The following MAML2 variants were observed in gnomAD, a reference collection of about 807,000 sequenced individuals.
MAML2 encodes mastermind-like protein 2.
Under a neutral mutation model 96.1 loss-of-function variants are expected in MAML2, and 22 were observed. That is an observed-to-expected ratio of 0.23 (90% confidence interval 0.16 to 0.33). The LOEUF is 0.33. MAML2 is among the 10% of genes least tolerant of loss of function. The pLI, the probability that MAML2 is intolerant of heterozygous loss-of-function variation, is 1.00. For missense variants in MAML2, 1,367 were observed against 1,392.4 expected (o/e 0.98, Z 0.29); for synonymous variants, 561 against 521.3 (o/e 1.08, Z -1.04).
At chr11:96,146,721 A>G (rs759572675) in intron 1 of MAML2, among the ~76,000 whole-genome samples, 1 of 152,216 alleles carries the variant, frequency 6.6e-6, no homozygotes, top group Non-Finnish European at 1.5e-5. Flanking sequence ...TACAGCAGTG[A>G]GGCAGGATTG....
At chr11:96,305,658 T>C (rs1863453006) in intron 1 of MAML2, among the ~76,000 whole-genome samples, 1 of 152,196 alleles carries the variant, frequency 6.6e-6, no homozygotes, top group Non-Finnish European at 1.5e-5. Context: ...TAGATATCTG[T>C]AAGTTACTAT....
chr11:96,062,615 C>T (rs780753445), intron 2 of MAML2, among the ~76,000 whole-genome samples: 12 of 152,164 alleles, frequency 7.9e-5, no homozygotes, highest in Non-Finnish European at 1.0e-4. Flanking sequence ...AAGCTGGGAG[C>T]ACTTTAAGAG....
At chr11:95,982,805 A>G (rs1203536289) in intron 4 of MAML2, among the ~76,000 whole-genome samples, 1 of 152,092 alleles carries the variant, frequency 6.6e-6, no homozygotes, top group Non-Finnish European at 1.5e-5. Context: ...GTCCCATAAG[A>G]TTATAGTGGA....
At chr11:96,255,033 T>G (rs960113434) in intron 1 of MAML2, among the ~76,000 whole-genome samples, 5 of 152,098 alleles carry the variant, frequency 3.3e-5, no homozygotes, top group Admixed American at 6.6e-5. Flanking sequence ...AAGTTGCCCA[T>G]GCTGGTCCGG....
At chr11:96,168,647 A>C (rs12803707) in intron 1 of MAML2, among the ~76,000 whole-genome samples, 10,720 of 152,264 alleles carry the variant, frequency 0.07, 476 homozygotes, top group Non-Finnish European at 0.098. Flanking sequence ...GAGATCTCTT[A>C]GATGCCTTTC....
At chr11:96,301,046 A>G (rs563564616) in intron 1 of MAML2, among the ~76,000 whole-genome samples, 3 of 152,324 alleles carry the variant, frequency 2.0e-5, no homozygotes, top group East Asian at 1.9e-4. Context: ...ATAACTGTTC[A>G]TTAGTTTTCA....
intron 2 of MAML2, among the ~76,000 whole-genome samples, chr11:96,075,227 C>T (rs1939485): frequency 0.44 from 67,359 of 152,014 alleles, 15,980 homozygotes; most frequent in African/African-American, 0.61. Context: ...ATTATTGATA[C>T]TGTGCTATCC....
At chr11:96,329,160 A>G (rs1863822529) in intron 1 of MAML2, among the ~76,000 whole-genome samples, 1 of 152,188 alleles carries the variant, frequency 6.6e-6, no homozygotes, top group Non-Finnish European at 1.5e-5. Flanking sequence ...CAGAAATATT[A>G]CAAGTGTAAT....
chr11:96,056,584 T>C (rs1257160234), intron 2 of MAML2, among the ~76,000 whole-genome samples: 3 of 152,186 alleles, frequency 2.0e-5, no homozygotes, highest in African/African-American at 7.2e-5. Flanking sequence ...GCTGTTAATA[T>C]ACACAATAGA....
chr11:96,165,472 A>G (rs1861176388), intron 1 of MAML2, among the ~76,000 whole-genome samples: 1 of 152,218 alleles, frequency 6.6e-6, no homozygotes, highest in African/African-American at 2.4e-5. Context: ...CATACAACAG[A>G]CATTAGGGCT....
intron 1 of MAML2, among the ~76,000 whole-genome samples, chr11:96,279,981 C>A (rs926781604): frequency 1.3e-5 from 2 of 152,176 alleles, no homozygotes; most frequent in Admixed American, 1.3e-4. Context: ...TTTATTCCTG[C>A]TGCTTTACCA....
chr11:96,336,064 CTT>C (rs1863916537), intron 1 of MAML2, among the ~76,000 whole-genome samples: 1 of 152,168 alleles, frequency 6.6e-6, no homozygotes, highest in Admixed American at 6.5e-5. Context: ...TGCTAAATAA[CTT>C]TAGCTTTATT....
At chr11:96,218,533 A>G (rs1304104960) in intron 1 of MAML2, among the ~76,000 whole-genome samples, 1 of 152,190 alleles carries the variant, frequency 6.6e-6, no homozygotes. Flanking sequence ...AGAGATTTTT[A>G]TATTATTTCC....
intron 1 of MAML2, among the ~76,000 whole-genome samples, chr11:96,180,762 A>G (rs6483487): frequency 0.25 from 38,271 of 152,142 alleles, 5,100 homozygotes; most frequent in East Asian, 0.49. Context: ...GTGTGAAGAG[A>G]CCACCAAACA....
intron 2 of MAML2, among the ~76,000 whole-genome samples, chr11:96,040,225 G>T (rs1478885117): frequency 6.6e-6 from 1 of 152,142 alleles, no homozygotes; most frequent in East Asian, 1.9e-4. Context: ...TACATCTAAT[G>T]AGGAAATAAT....
chr11:96,212,765 T>G (rs949943604), intron 1 of MAML2, among the ~76,000 whole-genome samples: 2 of 152,060 alleles, frequency 1.3e-5, no homozygotes, highest in African/African-American at 2.4e-5. Flanking sequence ...CAAGAAAAAG[T>G]CAGCAATGTG....
At chr11:96,317,443 C>T (rs974987313) in intron 1 of MAML2, among the ~76,000 whole-genome samples, 13 of 152,088 alleles carry the variant, frequency 8.5e-5, no homozygotes, top group South Asian at 6.2e-4. Flanking sequence ...AGTAGAGGCC[C>T]GGGAAATTAT....
rs1425373622 is a variant in MAML2 at position 95,977,196 on chromosome 11, TA to T, written c.*1751del. 5.3e-6 allele frequency: 1 copy of T among 188,774 alleles called. No homozygotes were observed. Among genetic ancestry groups the T allele is most frequent in the African/African-American group, 2.3e-5 (1 of 42,836 alleles). The allele number at this position is 188,774 out of a possible 1,614,324, so 11.7% of individuals were successfully genotyped here. A position where few individuals can be genotyped will look rare whatever the true frequency, so the allele number is the denominator to read the frequency against. ...AAAAGGTAGCAATTTACTTTTTGTA[TA>T]AAATATAACCTTTTGATAGTATATT... On this transcript the variant is annotated 3_prime_UTR_variant, in exon 5 of 5. Transcript: ENST00000524717.
intron 1 of MAML2, among the ~76,000 whole-genome samples, chr11:96,281,591 T>C (rs1863066685): frequency 6.6e-6 from 1 of 152,140 alleles, no homozygotes; most frequent in Non-Finnish European, 1.5e-5. Flanking sequence ...TTGAGAAATA[T>C]TAAAATATGC....
Sources: gnomAD v4.1 joint callset for allele counts (sites outside exome capture counted in the v4.1 genomes callset) on GRCh38, gnomAD v4.1.1 for gene constraint, MANE v1.5 for transcripts, NCBI Gene and HGNC (gene_info 2026-07-23, HGNC 2026-07-21) for gene names.